BMP6: variants seen among roughly 807,000 people sequenced by gnomAD.
BMP6 encodes bone morphogenetic protein 6.
A neutral mutation model predicts 54.1 loss-of-function variants in BMP6; 17 were observed. The ratio of observed to expected loss-of-function variants is 0.31; its 90% CI spans 0.22 to 0.47. BMP6 has a LOEUF of 0.47. Among genes scored for constraint, BMP6 ranks in the 20% least tolerant of loss-of-function variants. BMP6 has a pLI of 1.00. For missense variants in BMP6, 720 were observed against 690.4 expected (o/e 1.04, Z -0.48); for synonymous variants, 328 against 291.2 (o/e 1.13, Z -1.28).
At chr6:7,768,594 A>G (rs929508796) in intron 1 of BMP6, among the ~76,000 whole-genome samples, 4 of 152,058 alleles carry the variant, frequency 2.6e-5, no homozygotes, top group Non-Finnish European at 5.9e-5. Context: ...CGTCCTCAAC[A>G]TATGTGTTCA....
At chr6:7,873,097 C>G (rs930655910) in intron 4 of BMP6, among the ~76,000 whole-genome samples, 1 of 152,156 alleles carries the variant, frequency 6.6e-6, no homozygotes, top group African/African-American at 2.4e-5. Flanking sequence ...TGAGGCGCCA[C>G]ATCTGGCCTC....
chr6:7,775,973 A>G (rs1286676941), intron 1 of BMP6, among the ~76,000 whole-genome samples: 2 of 152,204 alleles, frequency 1.3e-5, no homozygotes, highest in African/African-American at 4.8e-5. Context: ...CACTTCCTCT[A>G]CGTCCATACC....
At chr6:7,763,519 A>G (rs889856318) in intron 1 of BMP6, among the ~76,000 whole-genome samples, 11 of 152,218 alleles carry the variant, frequency 7.2e-5, no homozygotes. Context: ...ACACCCATTA[A>G]AAAGAAAGAG....
intron 1 of BMP6, among the ~76,000 whole-genome samples, chr6:7,778,394 A>G (rs1032223667): frequency 2.6e-5 from 4 of 152,200 alleles, no homozygotes; most frequent in African/African-American, 9.6e-5. Flanking sequence ...TTCCTATTTT[A>G]GAGATAAGGA....
At chr6:7,755,262 C>A (rs1010046845) in intron 1 of BMP6, among the ~76,000 whole-genome samples, 86 of 150,418 alleles carry the variant, frequency 5.7e-4, no homozygotes, top group Non-Finnish European at 1.1e-3. Context: ...GTTCCCTTCC[C>A]CCCTTTTTCT....
intron 1 of BMP6, among the ~76,000 whole-genome samples, chr6:7,825,153 C>CA (rs1362011593): frequency 6.6e-6 from 1 of 152,106 alleles, no homozygotes; most frequent in Non-Finnish European, 1.5e-5. Flanking sequence ...CCCATTTCTA[C>CA]AAAAAATATT....
chr6:7,824,364 C>T (rs727283), intron 1 of BMP6, among the ~76,000 whole-genome samples: 133 of 152,286 alleles, frequency 8.7e-4, no homozygotes, highest in African/African-American at 3.1e-3. Flanking sequence ...GCACGTTCTC[C>T]TTGAGGCCAT....
At chr6:7,736,507 C>T (rs1761957020) in intron 1 of BMP6, among the ~76,000 whole-genome samples, 1 of 152,156 alleles carries the variant, frequency 6.6e-6, no homozygotes, top group Non-Finnish European at 1.5e-5. Context: ...TAAAAGGCTT[C>T]CTCAGGAGAG....
intron 1 of BMP6, among the ~76,000 whole-genome samples, chr6:7,828,188 G>A (rs1439727770): frequency 6.6e-6 from 1 of 152,212 alleles, no homozygotes; most frequent in Non-Finnish European, 1.5e-5. Context: ...ATCAAATAGG[G>A]CTGAACACAC....
At chr6:7,745,071 A>G (rs1368085165) in intron 1 of BMP6, among the ~76,000 whole-genome samples, 1 of 152,210 alleles carries the variant, frequency 6.6e-6, no homozygotes, top group Non-Finnish European at 1.5e-5. Flanking sequence ...GGTCAGTCCA[A>G]TAGGATCGTA....
At chr6:7,875,236 C>T (rs2113293685) in intron 4 of BMP6, among the ~76,000 whole-genome samples, 1 of 152,268 alleles carries the variant, frequency 6.6e-6, no homozygotes, top group East Asian at 1.9e-4. Context: ...GAGAATTTGC[C>T]CTTCCTCTGT....
At chr6:7,828,013 C>T (rs1223904143) in intron 1 of BMP6, among the ~76,000 whole-genome samples, 1 of 152,216 alleles carries the variant, frequency 6.6e-6, no homozygotes, top group Non-Finnish European at 1.5e-5. Context: ...AGTGATAAGG[C>T]ACTATTTTTC....
chr6:7,794,109 C>T (rs545850567), intron 1 of BMP6, among the ~76,000 whole-genome samples: 1 of 152,330 alleles, frequency 6.6e-6, no homozygotes, highest in South Asian at 2.1e-4. Context: ...ACTCTTGCTC[C>T]TTATGGCCCC....
chr6:7,778,883 C>T (rs906073248), intron 1 of BMP6, among the ~76,000 whole-genome samples: 2 of 152,206 alleles, frequency 1.3e-5, no homozygotes, highest in Non-Finnish European at 2.9e-5. Flanking sequence ...GATGTTTACT[C>T]ATCTGGCCTC....
At chr6:7,862,088 T>C (rs1465915385) in intron 3 of BMP6, among the ~76,000 whole-genome samples, 1 of 152,152 alleles carries the variant, frequency 6.6e-6, no homozygotes, top group African/African-American at 2.4e-5. Flanking sequence ...CACTCCTTCA[T>C]GTGATTCTGA....
chr6:7,843,220 T>G (rs1313646030), intron 1 of BMP6, among the ~76,000 whole-genome samples: 1 of 152,070 alleles, frequency 6.6e-6, no homozygotes, highest in Non-Finnish European at 1.5e-5. Flanking sequence ...CTTGCTTATA[T>G]TCAAGCTTTT....
intron 1 of BMP6, among the ~76,000 whole-genome samples, chr6:7,738,984 T>C (rs1762002697): frequency 6.6e-6 from 1 of 152,230 alleles, no homozygotes; most frequent in Admixed American, 6.5e-5. Context: ...CTGAAGATCC[T>C]CATGGCTTGT....
At chr6:7,874,917 G>A (rs1759582972) in intron 4 of BMP6, among the ~76,000 whole-genome samples, 1 of 114,460 alleles carries the variant, frequency 8.7e-6, no homozygotes, top group East Asian at 4.2e-4. Flanking sequence ...AGAATCAATA[G>A]GATATATGGA....
intron 1 of BMP6, among the ~76,000 whole-genome samples, chr6:7,775,902 TTA>T (rs1333614628): frequency 1.3e-5 from 2 of 152,170 alleles, no homozygotes; most frequent in Non-Finnish European, 2.9e-5. Flanking sequence ...TAAGAAGAAA[TTA>T]TGTTTGTTTT....
Sources: gnomAD v4.1 joint callset for allele counts (sites outside exome capture counted in the v4.1 genomes callset) on GRCh38, gnomAD v4.1.1 for gene constraint, MANE v1.5 for transcripts, NCBI Gene and HGNC (gene_info 2026-07-23, HGNC 2026-07-21) for gene names.